GTF2A1L: variants seen among roughly 807,000 people sequenced by gnomAD.
GTF2A1L encodes the protein general transcription factor IIA subunit 1 like.
In GTF2A1L, 48 loss-of-function variants were observed where a neutral mutation model predicts 49.7. The observed-to-expected ratio is 0.97, with a 90% CI of 0.77 to 1.23. The LOEUF is 1.23. Among genes scored for constraint, GTF2A1L ranks in the 50% most tolerant of loss-of-function variants. The pLI is 0.00. For synonymous variants in GTF2A1L, 246 were observed against 193.5 expected (o/e 1.27, Z -2.25); for missense variants, 736 against 564.8 (o/e 1.30, Z -3.07).
intron 6 of GTF2A1L, among the ~76,000 whole-genome samples, chr2:48,656,216 C>G (rs1403795815): frequency 2.6e-5 from 4 of 152,108 alleles, no homozygotes; most frequent in Non-Finnish European, 2.9e-5. Context: ...ACTGCAAAAT[C>G]ATATGACAAT....
At chr2:48,618,281 C>G (rs1474995934) in intron 1 of GTF2A1L, among the ~76,000 whole-genome samples, 1 of 152,178 alleles carries the variant, frequency 6.6e-6, no homozygotes, top group African/African-American at 2.4e-5. Context: ...TTATTTACTG[C>G]TTGAAATAAC....
At chr2:48,646,345 G>A in intron 5 of GTF2A1L, 108 bp from the exon 6 acceptor site, 1 of 1,019,084 alleles carries the variant, frequency 9.8e-7, no homozygotes, top group African/African-American at 1.7e-5. Flanking sequence ...ACATATTGGT[G>A]TATTTTTTTC....
At chr2:48,618,399 C>T (rs1234352225) in intron 1 of GTF2A1L, among the ~76,000 whole-genome samples, 2 of 152,110 alleles carry the variant, frequency 1.3e-5, no homozygotes, top group South Asian at 2.1e-4. Flanking sequence ...CCTACATTAC[C>T]CTCCTACCTC....
intron 6 of GTF2A1L, among the ~76,000 whole-genome samples, chr2:48,662,479 G>A (rs1015038570): frequency 3.9e-5 from 6 of 151,960 alleles, no homozygotes; most frequent in African/African-American, 1.4e-4. Flanking sequence ...ATCTAGGAAT[G>A]TCTTAATTTA....
intron 6 of GTF2A1L, among the ~76,000 whole-genome samples, chr2:48,659,545 C>T (rs917235555): frequency 1.3e-5 from 2 of 151,984 alleles, no homozygotes; most frequent in African/African-American, 4.8e-5. Flanking sequence ...TGTGTTGGCT[C>T]TTTAGATGGC....
chr2:48,671,185 T>C (rs1679144628), intron 7 of GTF2A1L, among the ~76,000 whole-genome samples: 1 of 151,786 alleles, frequency 6.6e-6, no homozygotes, highest in Non-Finnish European at 1.5e-5. Context: ...TGCTCTAGGT[T>C]CCTTTATTTC....
rs10432667 is a variant in GTF2A1L at position 48,646,839 on chromosome 2, A to G, written c.775A>G (p.Asn259Asp). 0.26 allele frequency: 419,540 copies of G among 1,613,898 alleles called. 56,982 individuals carry two copies. Among genetic ancestry groups the G allele is most frequent in the Middle Eastern group, 0.39 (2,337 of 6,052 alleles). Residue 259 changes from asparagine to aspartate, a missense_variant, in exon 6 of 9, where the codon AAT (asparagine) becomes GAT (aspartate). Transcript: ENST00000403751. ...TCCACAGGTCTCTCAAACAAATTCT[A>G]ATGTGGAGTCAGTGCTCAGTGGTTC... ...FSPQVSQTNS[N>D]VESVLSGSAS... is the part of the protein sequence containing the mutation.
At chr2:48,675,046 A>G (rs1679390039) in intron 8 of GTF2A1L, among the ~76,000 whole-genome samples, 1 of 152,186 alleles carries the variant, frequency 6.6e-6, no homozygotes, top group Admixed American at 6.5e-5. Context: ...GTGAATCTTT[A>G]TGAAAGAAAA....
chr2:48,668,211 A>G (rs1382219842), intron 6 of GTF2A1L, among the ~76,000 whole-genome samples: 1 of 152,132 alleles, frequency 6.6e-6, no homozygotes, highest in African/African-American at 2.4e-5. Context: ...TAAAGGATGG[A>G]AAGTCATCCT....
At chr2:48,671,495 C>T (rs958588595) in intron 7 of GTF2A1L, 96 bp from the exon 8 acceptor site, 131 of 1,304,866 alleles carry the variant, frequency 1.0e-4, no homozygotes, top group South Asian at 9.3e-4. Flanking sequence ...TGAGCCACCA[C>T]GCCGAGACAA....
rs17037507 is a variant in GTF2A1L at position 48,679,554 on chromosome 2, G to C, written c.*112G>C. On this transcript the variant is annotated 3_prime_UTR_variant, in exon 9 of 9. Coordinates refer to ENST00000403751, the MANE Select transcript of GTF2A1L (RefSeq NM_006872.5). ...CAGCACAGAGCTGTTCAAATTTTTA[G>C]TTCACTGTATGGAATTTAATAAAAT... 1.6e-5 allele frequency: 24 copies of C among 1,483,718 alleles called. No individual in the cohort carries two copies. The highest frequency in any genetic ancestry group is 2.0e-5 in the Non-Finnish European group (23 of 1,122,048). 91.9% of individuals were successfully genotyped at this position (1,483,718 alleles called of 1,614,324 possible).
At chr2:48,637,850 TAAAG>T (rs1218014406) in intron 3 of GTF2A1L, among the ~76,000 whole-genome samples, 2 of 150,048 alleles carry the variant, frequency 1.3e-5, no homozygotes, top group African/African-American at 4.9e-5. Context: ...GCTAGACTAA[TAAAG>T]AGAGAAGATC....
In GTF2A1L at chr2:48,617,856, A is replaced by G. The variant is rs183087993; in HGVS notation, c.-19A>G. ...GCGTGCCGCGCAGGCGCAAAGGGCC[A>G]GGTGCTGGAGGTGCTGTCATGGCCT... On this transcript the variant is annotated 5_prime_UTR_variant, in exon 1 of 9. Coordinates refer to ENST00000403751, the MANE Select transcript of GTF2A1L (RefSeq NM_006872.5). The G allele has an allele frequency of 5.7e-5, 88 of 1,551,742 alleles. No individual in the cohort carries two copies. The highest frequency in any genetic ancestry group is 2.3e-4 in the South Asian group (19 of 84,066).
At chr2:48,657,613 A>G (rs1442836896) in intron 6 of GTF2A1L, among the ~76,000 whole-genome samples, 2 of 152,152 alleles carry the variant, frequency 1.3e-5, no homozygotes, top group Non-Finnish European at 2.9e-5. Flanking sequence ...CTTTGGGTAT[A>G]TATCCAGTAA....
In GTF2A1L at chr2:48,629,229, A is replaced by G. The variant is rs971926643; in HGVS notation, c.247+7939A>G. On this transcript the variant is annotated intron_variant, in intron 3 of 8. Coordinates refer to ENST00000403751, the MANE Select transcript of GTF2A1L (RefSeq NM_006872.5). Reference sequence around the variant, plus strand: ...GCACTCTAGCCTGGGCAACAGAGCGAGACTCCGTCTCAAAAAAAAAAAAAG... The same window carrying G: ...GCACTCTAGCCTGGGCAACAGAGCGGGACTCCGTCTCAAAAAAAAAAAAAG... Among the ~76,000 whole-genome samples, 4 of 141,786 alleles carry G rather than the reference A, an allele frequency of 2.8e-5. 1 individual carries two copies. Among genetic ancestry groups the G allele is most frequent in the Non-Finnish European group, 4.8e-5 (3 of 63,068 alleles). The allele number at this position is 141,786 out of a possible 152,430, so 93.0% of individuals were successfully genotyped here. A position where few individuals can be genotyped will look rare whatever the true frequency, so the allele number is the denominator to read the frequency against.
chr2:48,665,001 A>T (rs1558763038), intron 6 of GTF2A1L, among the ~76,000 whole-genome samples: 1 of 152,004 alleles, frequency 6.6e-6, no homozygotes, highest in East Asian at 1.9e-4. Context: ...GGCTCACTGC[A>T]ACCAGCACCT....
Position 48,650,921 on chromosome 2 carries a change from G to A in GTF2A1L, c.978+3879G>A, listed in dbSNP as rs369703834. 5.3e-5 allele frequency among the ~76,000 whole-genome samples: 8 copies of A among 152,232 alleles called. No homozygotes were observed. The East Asian group carries it at 7.7e-4, about 15-fold the overall frequency. ...TTGATATAGTTTACGTTGAAAATGT[G>A]AAAAGAATGTGTATTGTAGGTTAGG... is the stretch of plus-strand genomic sequence containing the variant. On this transcript the variant is annotated intron_variant, in intron 6 of 8. Coordinates refer to ENST00000403751, the MANE Select transcript of GTF2A1L (RefSeq NM_006872.5).
intron 3 of GTF2A1L, chr2:48,632,909 T>C: frequency 4.0e-6 from 1 of 250,926 alleles, no homozygotes; most frequent in Non-Finnish European, 8.0e-6. Context: ...GGTCACACCA[T>C]CCTCATGGTA....
chr2:48,649,262 T>C (rs186026215), intron 6 of GTF2A1L, among the ~76,000 whole-genome samples: 3 of 152,316 alleles, frequency 2.0e-5, no homozygotes, highest in African/African-American at 7.2e-5. Context: ...GTGTCAGAAT[T>C]TCATTCCTTT....
Sources: allele counts gnomAD v4.1 joint callset (sites outside exome capture counted in the v4.1 genomes callset), GRCh38; gene constraint gnomAD v4.1.1; transcripts MANE v1.5; gene names NCBI Gene and HGNC (gene_info 2026-07-23, HGNC 2026-07-21).